Variants in GMDS observed in about 807,000 individuals in gnomAD.
GMDS encodes GDP-mannose 4,6-dehydratase, also known as GDP-mannose 4,6 dehydratase.
In GMDS, 20 loss-of-function variants were observed where a neutral mutation model predicts 49.9. That is an observed-to-expected ratio of 0.40 (90% CI 0.28 to 0.58). GMDS has a LOEUF of 0.58. GMDS is among the 20% of genes least tolerant of loss of function. GMDS has a pLI of 0.42. For synonymous variants in GMDS, 177 were observed against 178.6 expected, an observed-to-expected ratio of 0.99 and a Z score of 0.07; for missense variants, 362 against 481.4, an observed-to-expected ratio of 0.75 and a Z score of 2.32.
At chr6:1,717,872 T>TCCA (rs2113413254) in intron 9 of GMDS, among the ~76,000 whole-genome samples, 1 of 152,262 alleles carries the variant, frequency 6.6e-6, no homozygotes, top group South Asian at 2.1e-4. Flanking sequence ...CAACCTGACT[T>TCCA]CCAGGACATA....
intron 1 of GMDS, among the ~76,000 whole-genome samples, chr6:2,156,254 G>A (rs140106651): frequency 2.2e-3 from 333 of 152,224 alleles, no homozygotes; most frequent in Non-Finnish European, 3.8e-3. Context: ...AGGTAAAGGT[G>A]TGAAAGGAAA....
intron 9 of GMDS, among the ~76,000 whole-genome samples, chr6:1,626,523 A>G (rs536669152): frequency 1.3e-5 from 2 of 152,228 alleles, no homozygotes; most frequent in Non-Finnish European, 2.9e-5. Context: ...AGCGTCACAC[A>G]AAGATACTCA....
intron 7 of GMDS, among the ~76,000 whole-genome samples, chr6:1,830,497 G>C (rs1339177896): frequency 2.0e-5 from 3 of 152,210 alleles, no homozygotes; most frequent in African/African-American, 7.2e-5. Flanking sequence ...ACCAACCACA[G>C]AGGATATAGT....
intron 4 of GMDS, among the ~76,000 whole-genome samples, chr6:2,087,549 C>T (rs951773416): frequency 6.6e-6 from 1 of 152,124 alleles, no homozygotes; most frequent in Non-Finnish European, 1.5e-5. Context: ...TGCACTCAGG[C>T]CCACAATTTC....
At chr6:1,858,700 C>T (rs1380582889) in intron 7 of GMDS, among the ~76,000 whole-genome samples, 2 of 151,264 alleles carry the variant, frequency 1.3e-5, no homozygotes, top group African/African-American at 4.9e-5. Context: ...TTTTTAACTC[C>T]CAAGATCATT....
intron 7 of GMDS, among the ~76,000 whole-genome samples, chr6:1,801,169 G>A (rs1023232215): frequency 3.9e-5 from 6 of 152,344 alleles, no homozygotes; most frequent in East Asian, 3.9e-4. Context: ...GACCTGCACC[G>A]AAATTACCTT....
chr6:2,129,332 T>C (rs1775610561), intron 1 of GMDS, among the ~76,000 whole-genome samples: 2 of 152,192 alleles, frequency 1.3e-5, no homozygotes, highest in South Asian at 4.1e-4. Context: ...ACAGGAAGAC[T>C]AGCATTTTTC....
chr6:1,681,242 A>C lies in GMDS; in HGVS notation c.987+45174T>G, dbSNP rs191314543. ...TGTGTCTACACACCTGCCTCCTCAC[A>C]GTGTCCTGCCACCCTGCCGCCAAGA... On this transcript the variant is annotated intron_variant, in intron 9 of 10. Transcript: ENST00000380815. Among the ~76,000 whole-genome samples, 17 of 151,914 alleles carry C rather than the reference A, an allele frequency of 1.1e-4. 1 individual carries two copies. The East Asian group carries it at 2.3e-3, about 21-fold the overall frequency.
intron 1 of GMDS, among the ~76,000 whole-genome samples, chr6:2,199,738 T>C (rs988257925): frequency 1.3e-5 from 2 of 152,220 alleles, no homozygotes; most frequent in Admixed American, 6.5e-5. Context: ...TTGAAATTAT[T>C]AGTATCTTCC....
chr6:2,021,692 C>G (rs1010051893), intron 4 of GMDS, among the ~76,000 whole-genome samples: 1 of 152,182 alleles, frequency 6.6e-6, no homozygotes, highest in African/African-American at 2.4e-5. Flanking sequence ...TAAAACATAG[C>G]AGTTATATCC....
chr6:1,947,036 G>A (rs1265886954), intron 6 of GMDS, among the ~76,000 whole-genome samples: 2 of 152,186 alleles, frequency 1.3e-5, no homozygotes, highest in Non-Finnish European at 2.9e-5. Flanking sequence ...TTTCGCATAT[G>A]GTATATTAGC....
intron 1 of GMDS, among the ~76,000 whole-genome samples, chr6:2,222,122 A>G (rs1780619696): frequency 6.6e-6 from 1 of 152,262 alleles, no homozygotes; most frequent in Non-Finnish European, 1.5e-5. Flanking sequence ...CTGAAGTCTG[A>G]TAATGACAGC....
intron 1 of GMDS, among the ~76,000 whole-genome samples, chr6:2,212,708 A>T (rs60258068): frequency 0.046 from 1,525 of 32,918 alleles, 40 homozygotes; most frequent in African/African-American, 0.25. Flanking sequence ...ATTAACTTGT[A>T]AAAAAAAAAA....
At chr6:1,901,757 A>T (rs75170686) in intron 7 of GMDS, among the ~76,000 whole-genome samples, 3,431 of 152,288 alleles carry the variant, frequency 0.023, 134 homozygotes, top group African/African-American at 0.077. Flanking sequence ...TTCAGTGTAT[A>T]CTGAGCTCAT....
chr6:1,624,466 AC>A lies in GMDS; in HGVS notation c.1056+5del. The A allele has an allele frequency of 6.2e-7, 1 of 1,611,518 alleles. No homozygotes were observed. The highest frequency in any genetic ancestry group is 1.3e-5 in the African/African-American group (1 of 74,990). On this transcript the variant is annotated splice_donor_5th_base_variant and intron_variant, in intron 10 of 10. Transcript: ENST00000380815. ...GCGGGCGGCGTGCGCCCTAAGAGAT[AC>A]TCACATCGAAAGCGACCCGGGGCTT...
At chr6:2,158,015 G>A (rs1777193795) in intron 1 of GMDS, among the ~76,000 whole-genome samples, 1 of 152,084 alleles carries the variant, frequency 6.6e-6, no homozygotes, top group African/African-American at 2.4e-5. Flanking sequence ...TAAGATGGTA[G>A]CTGAAACAAA....
At chr6:1,977,940 C>T (rs1765000527) in intron 4 of GMDS, among the ~76,000 whole-genome samples, 1 of 152,144 alleles carries the variant, frequency 6.6e-6, no homozygotes, top group South Asian at 2.1e-4. Flanking sequence ...CTGCACATAC[C>T]CTAGGAAAGG....
At position 1,821,361 on chromosome 6, in the gene GMDS, C is replaced by T. The variant is rs375114745; in HGVS notation, c.772-78775G>A. ...CTGAATTCAACACTGCCAGGGGAGC[C>T]GCGGCTGGTGGGTGGGGACGGGGGG... On this transcript the variant is annotated intron_variant, in intron 7 of 10. Coordinates refer to ENST00000380815, the MANE Select transcript of GMDS (RefSeq NM_001500.4). Among the ~76,000 whole-genome samples the T allele has an allele frequency of 2.9e-3, 434 of 151,646 alleles. 2 individuals carry two copies. The highest frequency in any genetic ancestry group is 0.015 in the South Asian group (70 of 4,754).
chr6:1,624,437 C>T (rs368655197), intron 10 of GMDS, 35 bp downstream of exon 10: 15 of 1,584,758 alleles, frequency 9.5e-6, no homozygotes, highest in Non-Finnish European at 1.2e-5. Flanking sequence ...CCCGGGGCCC[C>T]GCAGCGGGCG....
Sources: gnomAD v4.1 joint callset for allele counts (sites outside exome capture counted in the v4.1 genomes callset) on GRCh38, gnomAD v4.1.1 for gene constraint, MANE v1.5 for transcripts, NCBI Gene and HGNC (gene_info 2026-07-23, HGNC 2026-07-21) for gene names.